OR14I1: variants seen among roughly 807,000 people sequenced by gnomAD.
OR14I1 encodes olfactory receptor family 14 subfamily I member 1.
For synonymous variants in OR14I1, 118 were observed against 71.1 expected (o/e 1.66, Z -3.32); for missense variants, 279 against 181.8 (o/e 1.53, Z -3.07).
the OR14I1 span, among the ~76,000 whole-genome samples, chr1:248,690,786 A>G: frequency 9.9e-5 from 15 of 152,112 alleles, no homozygotes; most frequent in Admixed American, 4.6e-4. Flanking sequence ...CAAAAAAAAA[A>G]AAAGAAAGAA....
the OR14I1 span, chr1:248,696,905 AG>A: frequency 1.3e-5 from 2 of 152,218 alleles, no homozygotes; most frequent in African/African-American, 4.8e-5. Context: ...TGAGGAAGGC[AG>A]GGGTGAGGAT....
chr1:248,686,181 C>G (rs1176596164), upstream of OR14I1, among the ~76,000 whole-genome samples: 1 of 152,144 alleles, frequency 6.6e-6, no homozygotes, highest in African/African-American at 2.4e-5. Context: ...TAAATTCACA[C>G]ATGTGGTATG....
chr1:248,692,503 G>C, the OR14I1 span: 1 of 152,744 alleles, frequency 6.5e-6, no homozygotes, highest in South Asian at 2.1e-4. Context: ...CTCTACCCCA[G>C]TCCAGCCTTT....
At chr1:248,685,125 GCT>G (rs570233706), upstream of OR14I1, among the ~76,000 whole-genome samples, 209 of 151,604 alleles carry the variant, frequency 1.4e-3, no homozygotes, top group African/African-American at 4.6e-3. Context: ...AGTGAAAAAA[GCT>G]CTCTTTTTTC....
chr1:248,696,251 A>G, the OR14I1 span, among the ~76,000 whole-genome samples: 1 of 152,180 alleles, frequency 6.6e-6, no homozygotes, highest in African/African-American at 2.4e-5. Flanking sequence ...GAACAAATCA[A>G]AACTACCTTT....
the OR14I1 span, among the ~76,000 whole-genome samples, chr1:248,700,361 C>T: frequency 6.6e-6 from 1 of 152,202 alleles, no homozygotes; most frequent in Non-Finnish European, 1.5e-5. Flanking sequence ...TACATGATAT[C>T]AAATGTCAAT....
At chr1:248,689,492 C>G in the OR14I1 span, among the ~76,000 whole-genome samples, 2 of 152,184 alleles carry the variant, frequency 1.3e-5, no homozygotes, top group African/African-American at 2.4e-5. Flanking sequence ...GAGCTCAAAA[C>G]ATAAATTTGC....
At chr1:248,681,341 G>T in exon 1 of OR14I1, 2 of 636,838 alleles carry the variant, frequency 3.1e-6, no homozygotes, top group Non-Finnish European at 5.7e-6. Context: ...TTTTGTTGCA[G>T]ATCTTCTATA....
At chr1:248,684,702 T>C (rs556022190), upstream of OR14I1, among the ~76,000 whole-genome samples, 2 of 152,088 alleles carry the variant, frequency 1.3e-5, no homozygotes, top group African/African-American at 4.8e-5. Flanking sequence ...TTCCCAGTCA[T>C]ATGCATTTAA....
chr1:248,685,762 A>G (rs1323655091), upstream of OR14I1, among the ~76,000 whole-genome samples: 1 of 150,152 alleles, frequency 6.7e-6, no homozygotes, highest in Non-Finnish European at 1.5e-5. Context: ...GTATATGTAT[A>G]CATACATATA....
chr1:248,700,503 G>T, the OR14I1 span, among the ~76,000 whole-genome samples: 3 of 152,146 alleles, frequency 2.0e-5, no homozygotes, highest in African/African-American at 7.2e-5. Flanking sequence ...TGTCATTCAT[G>T]ACCCCGAAAA....
At chr1:248,684,847 G>A (rs1213988698), upstream of OR14I1, among the ~76,000 whole-genome samples, 2 of 42,950 alleles carry the variant, frequency 4.7e-5, no homozygotes, top group Non-Finnish European at 1.0e-4. Flanking sequence ...AAATGGGGTA[G>A]CGGAGGGAAA....
chr1:248,697,427 G>A, the OR14I1 span, among the ~76,000 whole-genome samples: 1 of 150,906 alleles, frequency 6.6e-6, no homozygotes, highest in African/African-American at 2.4e-5. Flanking sequence ...TGAGGAAGTT[G>A]GTTCAGCATA....
the OR14I1 span, among the ~76,000 whole-genome samples, chr1:248,688,902 G>T: frequency 1.3e-5 from 2 of 152,268 alleles, no homozygotes; most frequent in South Asian, 4.2e-4. Flanking sequence ...TTCCACATTT[G>T]ATTTGAAACT....
chr1:248,700,492 A>ATC, the OR14I1 span, among the ~76,000 whole-genome samples: 1 of 152,262 alleles, frequency 6.6e-6, no homozygotes, highest in Non-Finnish European at 1.5e-5. Flanking sequence ...TTATGGAGAA[A>ATC]TGTCATTCAT....
chr1:248,682,403 T>G, upstream of OR14I1: 1 of 605,296 alleles, frequency 1.7e-6, no homozygotes, highest in Non-Finnish European at 2.9e-6. Context: ...AATATCCTCC[T>G]AAATTAAATT....
downstream of OR14I1, among the ~76,000 whole-genome samples, chr1:248,679,529 T>C (rs774639301): frequency 1.1e-4 from 17 of 152,192 alleles, no homozygotes; most frequent in Non-Finnish European, 2.1e-4. Flanking sequence ...TGTGCTTGTC[T>C]TTCTTAGAAG....
the OR14I1 span, among the ~76,000 whole-genome samples, chr1:248,702,132 T>A: frequency 6.6e-6 from 1 of 152,102 alleles, no homozygotes; most frequent in East Asian, 1.9e-4. Context: ...CCTGGTCACC[T>A]CACACCAGGC....
chr1:248,683,863 G>A (rs769681718), upstream of OR14I1, among the ~76,000 whole-genome samples: 6 of 152,110 alleles, frequency 3.9e-5, no homozygotes, highest in Admixed American at 6.6e-5. Context: ...CTGAAATCCC[G>A]TCTCTACTGA....
Sources: gnomAD v4.1 joint callset for allele counts (sites outside exome capture counted in the v4.1 genomes callset) on GRCh38, gnomAD v4.1.1 for gene constraint, MANE v1.5 for transcripts, NCBI Gene and HGNC (gene_info 2026-07-23, HGNC 2026-07-21) for gene names.